Variants in CHD9 observed in about 807,000 individuals in gnomAD.
CHD9 encodes chromodomain helicase DNA binding protein 9, also known as ATP-dependent chromatin remodeler CHD9.
Under a neutral mutation model 316.1 loss-of-function variants are expected in CHD9, and 77 were observed. The observed-to-expected ratio is 0.24, with a 90% confidence interval of 0.20 to 0.29. CHD9 has a LOEUF of 0.29. Ranked by LOEUF, CHD9 falls within the 10% of genes least tolerant of loss-of-function variation. CHD9 has a pLI of 1.00. For missense variants in CHD9, 2,763 were observed against 3,438.1 expected, an observed-to-expected ratio of 0.80 and a Z score of 4.91; for synonymous variants, 1,129 against 1,158.3, an observed-to-expected ratio of 0.97 and a Z score of 0.51.
At chr16:53,244,905 G>C (rs2049440844) in intron 13 of CHD9, among the ~76,000 whole-genome samples, 1 of 151,968 alleles carries the variant, frequency 6.6e-6, no homozygotes, top group South Asian at 2.1e-4. Flanking sequence ...TTGAGGCCTG[G>C]AGCCCGAGAC....
Position 53,304,645 on chromosome 16 carries a change from TCTA to T in CHD9, c.6619+23_6619+25del, listed in dbSNP as rs954577218. ...AACGAGGTACTATGCATAAAATAAT[TCTA>T]CTTTTTTAACATAACTTTTCTTTTC... On this transcript the variant is annotated intron_variant, in intron 31 of 38. Coordinates refer to ENST00000447540, the MANE Select transcript of CHD9 (RefSeq NM_001308319.2). 7 of 1,478,324 alleles carry T rather than the reference TCTA, an allele frequency of 4.7e-6. No individual in the cohort carries two copies. Among genetic ancestry groups the T allele is most frequent in the Admixed American group, 2.7e-5 (1 of 37,314 alleles). 91.6% of individuals were successfully genotyped at this position (1,478,324 alleles called of 1,614,324 possible).
intron 1 of CHD9, among the ~76,000 whole-genome samples, chr16:53,146,419 G>GTGTGTGTGTGTGTGTATATATA (rs1555492145): frequency 1.3e-5 from 1 of 76,714 alleles, no homozygotes; most frequent in African/African-American, 5.9e-5. Flanking sequence ...GTGTGTGTAT[G>GTGTGTGTGTGTGTGTATATATA]TATATATATA....
intron 1 of CHD9, among the ~76,000 whole-genome samples, chr16:53,085,326 G>C (rs1399077202): frequency 6.6e-6 from 1 of 151,574 alleles, no homozygotes; most frequent in East Asian, 1.9e-4. Context: ...TGTCCACCTA[G>C]AGCACTGGGA....
intron 1 of CHD9, among the ~76,000 whole-genome samples, chr16:53,128,457 C>G (rs1204407715): frequency 6.6e-6 from 1 of 152,170 alleles, no homozygotes; most frequent in Non-Finnish European, 1.5e-5. Flanking sequence ...GCTGGGATTA[C>G]AGGCTTGAGC....
chr16:53,287,596 A>G (rs1203087371), intron 26 of CHD9, among the ~76,000 whole-genome samples: 1 of 152,124 alleles, frequency 6.6e-6, no homozygotes, highest in Non-Finnish European at 1.5e-5. Flanking sequence ...GTGTGGTGGC[A>G]TGTACCTGTA....
In CHD9 at chr16:53,131,311, A is replaced by AGCCGCC. The variant is rs541900602; in HGVS notation, c.-164-24597_-164-24592dup. The AGCCGCC allele has an allele frequency of 3.6e-3, 452 of 124,426 alleles. 10 individuals are homozygous for AGCCGCC. Among genetic ancestry groups the AGCCGCC allele is most frequent in the South Asian group, 0.017 (66 of 3,958 alleles). 7.7% of individuals were successfully genotyped at this position (124,426 alleles called of 1,614,324 possible). A position where few individuals can be genotyped will look rare whatever the true frequency, so the allele number is the denominator to read the frequency against. On this transcript the variant is annotated intron_variant, in intron 1 of 38. Transcript: ENST00000447540. ...TCAGCGAGCGGCGGTGAGTACGTGCAGCCGCCGCCGCCGCCGCCGCCGCTG... is the reference window on the plus strand; with the variant it reads ...TCAGCGAGCGGCGGTGAGTACGTGCAGCCGCCGCCGCCGCCGCCGCCGCCGCCGCTG...
At chr16:53,205,905 T>C (rs1006859557) in intron 2 of CHD9, among the ~76,000 whole-genome samples, 2 of 152,268 alleles carry the variant, frequency 1.3e-5, no homozygotes, top group African/African-American at 4.8e-5. Flanking sequence ...ATTAAACTTG[T>C]TATACACACA....
At chr16:53,232,123 A>G (rs1006445757) in intron 10 of CHD9, among the ~76,000 whole-genome samples, 3 of 152,164 alleles carry the variant, frequency 2.0e-5, no homozygotes, top group Admixed American at 6.5e-5. Flanking sequence ...TGGTCTTCTT[A>G]CTTTATTTTC....
chr16:53,181,648 A>G (rs986961223), intron 2 of CHD9, among the ~76,000 whole-genome samples: 1 of 152,156 alleles, frequency 6.6e-6, no homozygotes, highest in Admixed American at 6.5e-5. Flanking sequence ...CTTTTTTAAC[A>G]TGTTTTCTAT....
chr16:53,121,987 A>C (rs1482940175), intron 1 of CHD9: 1 of 152,254 alleles, frequency 6.6e-6, no homozygotes, highest in Non-Finnish European at 1.5e-5. Flanking sequence ...AGAGACAAAA[A>C]TCATGTTAGA....
intron 2 of CHD9, among the ~76,000 whole-genome samples, chr16:53,169,935 T>C (rs2042559980): frequency 6.6e-6 from 1 of 152,170 alleles, no homozygotes; most frequent in Admixed American, 6.6e-5. Context: ...ATACAAGTGT[T>C]CCCTGTCCTT....
At chr16:53,148,707 T>C (rs1193685622) in intron 1 of CHD9, among the ~76,000 whole-genome samples, 1 of 152,200 alleles carries the variant, frequency 6.6e-6, no homozygotes, top group East Asian at 1.9e-4. Context: ...TGATACTGAG[T>C]TGTAGGAGTT....
chr16:53,233,324 A>G (rs1370056550), intron 10 of CHD9, among the ~76,000 whole-genome samples: 3 of 152,308 alleles, frequency 2.0e-5, no homozygotes, highest in African/African-American at 7.2e-5. Context: ...ATTTTAAAGG[A>G]TACAAACAAA....
chr16:53,257,324 C>T (rs1210981794), intron 19 of CHD9, among the ~76,000 whole-genome samples: 1 of 152,130 alleles, frequency 6.6e-6, no homozygotes, highest in Non-Finnish European at 1.5e-5. Flanking sequence ...TGAAATTGAT[C>T]CTAAGGCAGT....
chr16:53,209,959 C>T (rs996456026), intron 3 of CHD9, 146 bp downstream of exon 3: 22 of 597,764 alleles, frequency 3.7e-5, no homozygotes, highest in Middle Eastern at 4.5e-4. Context: ...ATTTCATTGC[C>T]GAATGAATTA....
chr16:53,237,785 A>G (rs1265728734), intron 11 of CHD9, among the ~76,000 whole-genome samples: 2 of 151,958 alleles, frequency 1.3e-5, no homozygotes, highest in African/African-American at 2.4e-5. Flanking sequence ...AGCTGATTTT[A>G]TCCTATTCCA....
intron 20 of CHD9, among the ~76,000 whole-genome samples, chr16:53,264,527 TTA>T (rs1358856839): frequency 2.0e-5 from 3 of 152,184 alleles, no homozygotes; most frequent in Non-Finnish European, 2.9e-5. Flanking sequence ...AGAATGATGC[TTA>T]CAATGTGATC....
chr16:53,274,825 G>A (rs1182453701), intron 24 of CHD9, among the ~76,000 whole-genome samples: 2 of 151,966 alleles, frequency 1.3e-5, no homozygotes, highest in Non-Finnish European at 2.9e-5. Flanking sequence ...TATGTTAGGC[G>A]GCTCCTTAGT....
chr16:53,222,455 G>C (rs2047328005), intron 3 of CHD9, among the ~76,000 whole-genome samples, 189 bp from the exon 4 acceptor site: 4 of 152,156 alleles, frequency 2.6e-5, no homozygotes, highest in Non-Finnish European at 2.9e-5. Context: ...AGAATTGGAT[G>C]GTGTTTGTTC....
Sources: gnomAD v4.1 joint callset for allele counts (sites outside exome capture counted in the v4.1 genomes callset) on GRCh38, gnomAD v4.1.1 for gene constraint, MANE v1.5 for transcripts, NCBI Gene and HGNC (gene_info 2026-07-23, HGNC 2026-07-21) for gene names.